The following GRB14 variants were observed in gnomAD, a reference collection of about 807,000 sequenced individuals.
GRB14 encodes growth factor receptor-bound protein 14.
A neutral mutation model predicts 69.1 loss-of-function variants in GRB14; 38 were observed. The observed-to-expected ratio is 0.55, with a 90% confidence interval of 0.42 to 0.72. The LOEUF is 0.72. Ranked by LOEUF, GRB14 falls within the 30% of genes least tolerant of loss-of-function variation. The pLI, the probability that GRB14 is intolerant of heterozygous loss-of-function variation, is 0.00. For synonymous variants in GRB14, 247 were observed against 241.3 expected, an observed-to-expected ratio of 1.02 and a Z score of -0.22; for missense variants, 666 against 666.1, an observed-to-expected ratio of 1.00 and a Z score of 0.00.
intron 5 of GRB14, among the ~76,000 whole-genome samples, chr2:164,523,096 G>A (rs1218769419): frequency 6.6e-6 from 1 of 152,042 alleles, no homozygotes; most frequent in Admixed American, 6.6e-5. Flanking sequence ...GAGAGACAGA[G>A]ACACCAAGGA....
intron 2 of GRB14, among the ~76,000 whole-genome samples, chr2:164,571,335 T>C (rs1016097649): frequency 6.6e-6 from 1 of 152,226 alleles, no homozygotes; most frequent in Non-Finnish European, 1.5e-5. Context: ...AAATCAAGTT[T>C]GCAGAAGGCC....
In GRB14 at chr2:164,545,944, A is replaced by G. The variant is rs139139528; in HGVS notation, c.481+1716T>C. 1.5e-4 allele frequency among the ~76,000 whole-genome samples: 23 copies of G among 152,302 alleles called. No homozygotes were observed. The East Asian group carries it at 4.4e-3, about 29-fold the overall frequency. On this transcript the variant is annotated intron_variant, in intron 3 of 13. Coordinates refer to ENST00000263915, the MANE Select transcript of GRB14 (RefSeq NM_004490.3). ...TTTTAAGAGGCTACTCCTTGTGTTT[A>G]TGTCTTAAAAATGTGAAGGACTTAC...
intron 2 of GRB14, among the ~76,000 whole-genome samples, chr2:164,608,055 CA>C (rs771356675): frequency 7.2e-5 from 11 of 152,064 alleles, no homozygotes; most frequent in Non-Finnish European, 1.5e-4. Context: ...AAATAAAGCC[CA>C]ACTTTACTTT....
Position 164,618,006 on chromosome 2 carries a change from G to A in GRB14, c.324+1681C>T, listed in dbSNP as rs188714350. Reference sequence around the variant, plus strand: ...GCGGGGGACAGATTCTCGCTCTGTCGTTCAGAGTGGAGTGCAGGGGCACAA... The same window carrying A: ...GCGGGGGACAGATTCTCGCTCTGTCATTCAGAGTGGAGTGCAGGGGCACAA... On this transcript the variant is annotated intron_variant, in intron 2 of 13. Coordinates refer to ENST00000263915, the MANE Select transcript of GRB14 (RefSeq NM_004490.3). Among the ~76,000 whole-genome samples, 157 of 146,980 alleles carry A rather than the reference G, an allele frequency of 1.1e-3. No individual in the cohort carries two copies. The East Asian group carries it at 0.021, about 19-fold the overall frequency.
chr2:164,618,811 A>C (rs1690371399), intron 2 of GRB14, among the ~76,000 whole-genome samples: 1 of 152,198 alleles, frequency 6.6e-6, no homozygotes, highest in African/African-American at 2.4e-5. Context: ...AAAAATGGCC[A>C]ACTGTCTTGT....
chr2:164,502,319 T>C lies in GRB14; in HGVS notation c.1040A>G (p.Tyr347Cys), dbSNP rs780116978. Reference protein sequence around the residue: ...IRLLKYGMQLYQNYMHPYQGR... With the variant: ...IRLLKYGMQLCQNYMHPYQGR... ...TTGATATGGATGCATATAATTCTGG[T>C]ACAGCTGCATGCCATACTGCAGAAT... Residue 347 changes from tyrosine (Y) to cysteine (C), a missense_variant, in exon 9 of 14, where the codon TAC becomes TGC. By Grantham distance (194) the Tyr-to-Cys change is radical (BLOSUM62 -2). Transcript: ENST00000263915. The C allele has an allele frequency of 1.9e-6, 3 of 1,585,424 alleles. No homozygotes were observed. The highest frequency in any genetic ancestry group is 1.1e-5 in the South Asian group (1 of 90,226).
chr2:164,591,404 T>C (rs1311843130), intron 2 of GRB14, among the ~76,000 whole-genome samples: 1 of 152,158 alleles, frequency 6.6e-6, no homozygotes, highest in Admixed American at 6.5e-5. Context: ...ACACCTCATG[T>C]AGAGGTGCCT....
intron 2 of GRB14, among the ~76,000 whole-genome samples, chr2:164,608,009 C>G (rs1345026204): frequency 6.6e-6 from 1 of 152,174 alleles, no homozygotes; most frequent in Non-Finnish European, 1.5e-5. Context: ...TCCTCACTCT[C>G]AAAAGCAATT....
chr2:164,515,752 T>C (rs1362854188), intron 6 of GRB14, among the ~76,000 whole-genome samples: 2 of 149,098 alleles, frequency 1.3e-5, no homozygotes, highest in Non-Finnish European at 3.0e-5. Flanking sequence ...GAAGATTGAT[T>C]ATTAAGCTCA....
At chr2:164,503,935 C>T (rs1286425774) in intron 8 of GRB14, among the ~76,000 whole-genome samples, 1 of 151,896 alleles carries the variant, frequency 6.6e-6, no homozygotes, top group Non-Finnish European at 1.5e-5. Flanking sequence ...AGAGGTAGGG[C>T]GGGGGTCACC....
intron 2 of GRB14, among the ~76,000 whole-genome samples, chr2:164,612,592 T>C (rs1690193370): frequency 6.6e-6 from 1 of 152,228 alleles, no homozygotes; most frequent in Non-Finnish European, 1.5e-5. Flanking sequence ...ACCATTGAAA[T>C]ACACATAAGC....
At chr2:164,573,209 G>A (rs902565327) in intron 2 of GRB14, among the ~76,000 whole-genome samples, 1 of 152,124 alleles carries the variant, frequency 6.6e-6, no homozygotes, top group African/African-American at 2.4e-5. Flanking sequence ...TTAAGGTTAG[G>A]ACTGAGTCTC....
At chr2:164,550,578 G>C (rs1688508963) in intron 2 of GRB14, among the ~76,000 whole-genome samples, 1 of 152,090 alleles carries the variant, frequency 6.6e-6, no homozygotes, top group Admixed American at 6.6e-5. Context: ...ATATTTACCA[G>C]AAGTATTAAA....
At chr2:164,536,249 C>A (rs943877734) in intron 3 of GRB14, among the ~76,000 whole-genome samples, 6 of 152,062 alleles carry the variant, frequency 3.9e-5, no homozygotes, top group Non-Finnish European at 1.5e-5. Context: ...ACAGAGAGTC[C>A]CAGCTCCATG....
intron 8 of GRB14, among the ~76,000 whole-genome samples, chr2:164,503,637 C>T (rs550590692): frequency 1.2e-4 from 19 of 152,102 alleles, no homozygotes; most frequent in East Asian, 5.8e-4. Flanking sequence ...ATTAATGGGA[C>T]CTAATGAAAT....
At chr2:164,594,246 A>G (rs868833214) in intron 2 of GRB14, among the ~76,000 whole-genome samples, 1 of 152,198 alleles carries the variant, frequency 6.6e-6, no homozygotes, top group Admixed American at 6.5e-5. Context: ...CTCCTTTGGC[A>G]GTATTTGCCC....
intron 3 of GRB14, among the ~76,000 whole-genome samples, chr2:164,534,774 T>C (rs750944563): frequency 2.6e-5 from 4 of 152,206 alleles, no homozygotes; most frequent in Admixed American, 6.5e-5. Context: ...AACTAGGGGC[T>C]CTTTGCTGCT....
intron 2 of GRB14, among the ~76,000 whole-genome samples, chr2:164,577,280 A>G (rs1689275208): frequency 6.6e-6 from 1 of 152,198 alleles, no homozygotes; most frequent in Non-Finnish European, 1.5e-5. Context: ...AAGATCAATG[A>G]GGGGGATCTT....
chr2:164,499,210 G>GA (rs1686985942), intron 9 of GRB14, among the ~76,000 whole-genome samples: 2 of 151,916 alleles, frequency 1.3e-5, no homozygotes, highest in African/African-American at 2.4e-5. Flanking sequence ...ATTATATTAA[G>GA]AAAAAAATAA....
Sources: allele counts gnomAD v4.1 joint callset (sites outside exome capture counted in the v4.1 genomes callset), GRCh38; gene constraint gnomAD v4.1.1; transcripts MANE v1.5; gene names NCBI Gene and HGNC (gene_info 2026-07-23, HGNC 2026-07-21).